Variants in NRG3 observed in about 807,000 individuals in gnomAD.
NRG3 encodes the protein pro-neuregulin-3, membrane-bound isoform.
A neutral mutation model predicts 66.9 loss-of-function variants in NRG3; 31 were observed. The observed-to-expected ratio is 0.46, with a 90% CI of 0.35 to 0.63. The LOEUF (loss-of-function observed/expected upper bound fraction) is 0.63. Ranked by LOEUF, NRG3 falls within the 20% of genes least tolerant of loss-of-function variation. NRG3 has a pLI of 0.00. For missense variants in NRG3, 910 were observed against 878.9 expected, an observed-to-expected ratio of 1.04 and a Z score of -0.45; for synonymous variants, 393 against 359.4, an observed-to-expected ratio of 1.09 and a Z score of -1.06.
chr10:82,543,117 CCTG>C (rs1295751495), intron 2 of NRG3, among the ~76,000 whole-genome samples: 1 of 152,038 alleles, frequency 6.6e-6, no homozygotes, highest in East Asian at 1.9e-4. Context: ...GTCTTGAACT[CCTG>C]ACCTCAGGTG....
chr10:81,888,822 CTG>C (rs1842806586), intron 1 of NRG3, among the ~76,000 whole-genome samples: 1 of 152,090 alleles, frequency 6.6e-6, no homozygotes, highest in Non-Finnish European at 1.5e-5. Flanking sequence ...GATACAATAT[CTG>C]TGGTATTTTC....
chr10:82,794,967 C>T (rs2060736959), intron 3 of NRG3, among the ~76,000 whole-genome samples: 1 of 152,184 alleles, frequency 6.6e-6, no homozygotes, highest in Non-Finnish European at 1.5e-5. Flanking sequence ...CACATTTCTT[C>T]AGTCAAATCA....
At chr10:82,091,316 TCTC>T (rs1158861576) in intron 1 of NRG3, among the ~76,000 whole-genome samples, 2 of 152,068 alleles carry the variant, frequency 1.3e-5, no homozygotes, top group East Asian at 1.9e-4. Context: ...AACTTCTCCT[TCTC>T]CTCCTCCTCA....
intron 1 of NRG3, among the ~76,000 whole-genome samples, chr10:82,148,326 C>G (rs72825470): frequency 0.1 from 15,868 of 152,004 alleles, 981 homozygotes; most frequent in Non-Finnish European, 0.14. Flanking sequence ...AGCAAGACCC[C>G]ATTTCTAAAA....
intron 1 of NRG3, among the ~76,000 whole-genome samples, chr10:82,058,298 T>C (rs1054267994): frequency 1.3e-5 from 2 of 151,980 alleles, no homozygotes; most frequent in African/African-American, 4.8e-5. Flanking sequence ...GTTTTTCTTC[T>C]TAAGACCTTT....
chr10:82,895,591 C>T (rs898415593), intron 4 of NRG3, among the ~76,000 whole-genome samples: 53 of 150,162 alleles, frequency 3.5e-4, no homozygotes, highest in African/African-American at 1.1e-3. Flanking sequence ...CCCAGGTTCA[C>T]GCCATTCTCC....
chr10:82,140,794 G>A (rs2069719829), intron 1 of NRG3, among the ~76,000 whole-genome samples: 1 of 152,066 alleles, frequency 6.6e-6, no homozygotes, highest in Non-Finnish European at 1.5e-5. Context: ...TCTGTGTCTT[G>A]GCACGAAGTT....
intron 1 of NRG3, among the ~76,000 whole-genome samples, chr10:82,345,757 T>C (rs1419733538): frequency 6.6e-6 from 1 of 151,970 alleles, no homozygotes. Context: ...TGGTTTGTAG[T>C]TATCCTTGAA....
chr10:82,102,075 C>CAT (rs550276848), intron 1 of NRG3, among the ~76,000 whole-genome samples: 122 of 113,298 alleles, frequency 1.1e-3, no homozygotes, highest in Middle Eastern at 5.7e-3. Context: ...TGTGTGTATA[C>CAT]ATATATATAT....
At chr10:82,476,546 A>G (rs980226190) in intron 2 of NRG3, among the ~76,000 whole-genome samples, 4 of 152,228 alleles carry the variant, frequency 2.6e-5, no homozygotes, top group Non-Finnish European at 5.9e-5. Flanking sequence ...AAATTCGAAC[A>G]CATGCTACAG....
intron 1 of NRG3, among the ~76,000 whole-genome samples, chr10:81,876,858 G>A (rs1327340534): frequency 6.6e-6 from 1 of 152,026 alleles, no homozygotes; most frequent in African/African-American, 2.4e-5. Context: ...ACCGCCGAGA[G>A]TGAGTTAACT....
At chr10:82,452,007 C>T (rs1264523689) in intron 2 of NRG3, among the ~76,000 whole-genome samples, 2 of 152,166 alleles carry the variant, frequency 1.3e-5, no homozygotes, top group Non-Finnish European at 2.9e-5. Flanking sequence ...ATTCATATCT[C>T]TTCTATTTGG....
chr10:82,703,283 G>T (rs949531870), intron 2 of NRG3, among the ~76,000 whole-genome samples: 1 of 152,060 alleles, frequency 6.6e-6, no homozygotes, highest in Admixed American at 6.6e-5. Context: ...TTCCTCCTTA[G>T]ACCTTCACCA....
intron 1 of NRG3, among the ~76,000 whole-genome samples, chr10:82,252,956 A>T (rs561283346): frequency 2.0e-5 from 3 of 152,260 alleles, no homozygotes; most frequent in Admixed American, 1.3e-4. Flanking sequence ...TCGCTACTGC[A>T]ACTACAGTCA....
chr10:82,270,198 C>A (rs2078520201), intron 1 of NRG3, among the ~76,000 whole-genome samples: 1 of 152,144 alleles, frequency 6.6e-6, no homozygotes, highest in African/African-American at 2.4e-5. Context: ...CATCCATTTC[C>A]TTTTCATTAT....
At chr10:82,221,411 C>A (rs997113935) in intron 1 of NRG3, among the ~76,000 whole-genome samples, 71 of 152,098 alleles carry the variant, frequency 4.7e-4, no homozygotes, top group African/African-American at 1.6e-3. Context: ...GCCTTCCAGC[C>A]CCCCTCCATA....
At chr10:82,610,177 C>A (rs1344007544) in intron 2 of NRG3, among the ~76,000 whole-genome samples, 1 of 152,196 alleles carries the variant, frequency 6.6e-6, no homozygotes, top group Non-Finnish European at 1.5e-5. Flanking sequence ...GGGCTTCAAA[C>A]CCTCCTCACG....
At chr10:82,641,531 A>T (rs1223893516) in intron 2 of NRG3, among the ~76,000 whole-genome samples, 1 of 152,310 alleles carries the variant, frequency 6.6e-6, no homozygotes, top group East Asian at 1.9e-4. Context: ...TCTGGTGTAT[A>T]AGATGAGCCT....
intron 1 of NRG3, among the ~76,000 whole-genome samples, chr10:81,939,261 T>A (rs1848187114): frequency 6.6e-6 from 1 of 152,030 alleles, no homozygotes; most frequent in Non-Finnish European, 1.5e-5. Context: ...CTTGTTTTGG[T>A]ATTAGGGTAA....
Sources: allele counts gnomAD v4.1 joint callset (sites outside exome capture counted in the v4.1 genomes callset), GRCh38; gene constraint gnomAD v4.1.1; transcripts MANE v1.5; gene names NCBI Gene and HGNC (gene_info 2026-07-23, HGNC 2026-07-21).